KCNG3: variants seen among roughly 807,000 people sequenced by gnomAD.
The protein encoded by KCNG3 is potassium voltage-gated channel modifier subfamily G member 3.
Under a neutral mutation model 29.0 loss-of-function variants are expected in KCNG3, and 15 were observed. The ratio of observed to expected loss-of-function variants is 0.52; its 90% CI spans 0.35 to 0.80. The LOEUF is 0.80. Among genes scored for constraint, KCNG3 ranks in the 30% least tolerant of loss-of-function variants. The pLI, the probability that KCNG3 is intolerant of heterozygous loss-of-function variation, is 0.01. For synonymous variants in KCNG3, 322 were observed against 248.9 expected, an observed-to-expected ratio of 1.29 and a Z score of -2.76; for missense variants, 512 against 605.7, an observed-to-expected ratio of 0.85 and a Z score of 1.62.
the KCNG3 span, among the ~76,000 whole-genome samples, chr2:42,433,502 G>A: frequency 2.2e-3 from 332 of 152,308 alleles, 1 homozygote; most frequent in Non-Finnish European, 3.3e-3. Flanking sequence ...ATTTTGGGAG[G>A]CTGAGGGGGG....
intron 1 of KCNG3, among the ~76,000 whole-genome samples, chr2:42,484,393 C>T (rs775380519): frequency 2.6e-5 from 4 of 152,072 alleles, no homozygotes; most frequent in Non-Finnish European, 5.9e-5. Flanking sequence ...ACCAGGGAGG[C>T]GGAGATTGCA....
chr2:42,439,949 A>G (rs538858805), downstream of KCNG3, among the ~76,000 whole-genome samples: 1 of 152,260 alleles, frequency 6.6e-6, no homozygotes, highest in East Asian at 1.9e-4. Context: ...GGCCAAGAAA[A>G]TATTTTTAAA....
chr2:42,465,794 C>T (rs1416889699), intron 1 of KCNG3, among the ~76,000 whole-genome samples: 4 of 151,696 alleles, frequency 2.6e-5, no homozygotes, highest in Non-Finnish European at 5.9e-5. Flanking sequence ...CAAAAATAAC[C>T]CATTTTTTAA....
the KCNG3 span, among the ~76,000 whole-genome samples, chr2:42,398,151 A>C: frequency 2.0e-5 from 3 of 152,016 alleles, no homozygotes; most frequent in African/African-American, 7.2e-5. Flanking sequence ...TGATCCCAGG[A>C]GGCGGAGCTT....
chr2:42,483,066 A>C (rs1437822252), intron 1 of KCNG3, among the ~76,000 whole-genome samples: 2 of 152,170 alleles, frequency 1.3e-5, no homozygotes, highest in African/African-American at 4.8e-5. Flanking sequence ...GGTTGCAGTG[A>C]AAGGAGACTG....
rs571594695 is a variant in KCNG3, at chr2:42,456,208, C to T, written c.666-11629G>A. ...AGTATAAGATGAAAGGCATAGACTG[C>T]AATCATTTTTTAGCCTCTCCAAAAA... On this transcript the variant is annotated intron_variant, in intron 1 of 1. Transcript: ENST00000306078. 2.0e-5 allele frequency among the ~76,000 whole-genome samples: 3 copies of T among 152,158 alleles called. No individual in the cohort carries two copies. The East Asian group carries it at 5.8e-4, about 29-fold the overall frequency.
intron 1 of KCNG3, among the ~76,000 whole-genome samples, chr2:42,483,417 G>C (rs1673640687): frequency 6.6e-6 from 1 of 152,202 alleles, no homozygotes; most frequent in South Asian, 2.1e-4. Flanking sequence ...ATGTGGAAAT[G>C]ATCGTGTTCT....
At chr2:42,456,598 T>A (rs1256730360) in intron 1 of KCNG3, among the ~76,000 whole-genome samples, 1 of 152,150 alleles carries the variant, frequency 6.6e-6, no homozygotes, top group East Asian at 1.9e-4. Flanking sequence ...CAAAAGGAGT[T>A]CAGTTCAAGC....
the KCNG3 span, among the ~76,000 whole-genome samples, chr2:42,422,062 C>T: frequency 6.6e-6 from 1 of 152,024 alleles, no homozygotes; most frequent in Non-Finnish European, 1.5e-5. Context: ...TGTGGTAAAA[C>T]CAGAAAACAA....
At chr2:42,440,964 A>G (rs537825345), downstream of KCNG3, among the ~76,000 whole-genome samples, 2 of 152,194 alleles carry the variant, frequency 1.3e-5, no homozygotes, top group Non-Finnish European at 2.9e-5. Flanking sequence ...ATTTAGGATA[A>G]TGTCTGACTT....
intron 1 of KCNG3, among the ~76,000 whole-genome samples, chr2:42,484,410 C>T (rs183355804): frequency 2.6e-5 from 4 of 152,164 alleles, no homozygotes; most frequent in African/African-American, 9.6e-5. Context: ...TGCAGTGAGC[C>T]GAGATCGTGC....
At chr2:42,449,740 C>T (rs927522267) in intron 1 of KCNG3, among the ~76,000 whole-genome samples, 33 of 152,014 alleles carry the variant, frequency 2.2e-4, no homozygotes, top group African/African-American at 7.7e-4. Flanking sequence ...CATGAGCCAC[C>T]GCACCCAGCC....
At chr2:42,405,437 G>A in the KCNG3 span, among the ~76,000 whole-genome samples, 1 of 150,642 alleles carries the variant, frequency 6.6e-6, no homozygotes, top group South Asian at 2.1e-4. Context: ...TGTTCATTCT[G>A]CAGCATTTTT....
chr2:42,405,531 C>G, the KCNG3 span, among the ~76,000 whole-genome samples: 1 of 151,912 alleles, frequency 6.6e-6, no homozygotes, highest in Non-Finnish European at 1.5e-5. Flanking sequence ...CTCTGCCTCC[C>G]AGTTTCAATC....
At chr2:42,433,368 G>A in the KCNG3 span, among the ~76,000 whole-genome samples, 1 of 152,144 alleles carries the variant, frequency 6.6e-6, no homozygotes, top group Admixed American at 6.6e-5. Context: ...GTCTGTGAGG[G>A]TGTTTCCAGA....
At chr2:42,448,570 C>A (rs1672663229) in intron 1 of KCNG3, among the ~76,000 whole-genome samples, 1 of 152,104 alleles carries the variant, frequency 6.6e-6, no homozygotes, top group African/African-American at 2.4e-5. Context: ...CTATCTTATA[C>A]TATGCTACTC....
downstream of KCNG3, among the ~76,000 whole-genome samples, chr2:42,437,707 G>T (rs766174361): frequency 6.6e-6 from 1 of 152,142 alleles, no homozygotes; most frequent in Non-Finnish European, 1.5e-5. Context: ...GGAGGCTGAG[G>T]TGGGCAGACC....
chr2:42,406,400 G>A, the KCNG3 span, among the ~76,000 whole-genome samples: 1 of 150,862 alleles, frequency 6.6e-6, no homozygotes, highest in African/African-American at 2.4e-5. Flanking sequence ...CGTATTTTTA[G>A]TAGAGATGAG....
the KCNG3 span, among the ~76,000 whole-genome samples, chr2:42,418,484 T>C: frequency 1.3e-5 from 2 of 152,244 alleles, no homozygotes; most frequent in African/African-American, 4.8e-5. Flanking sequence ...GAGTTCAATC[T>C]GGAATGAGGA....
Sources: gnomAD v4.1 joint callset for allele counts (sites outside exome capture counted in the v4.1 genomes callset) on GRCh38, gnomAD v4.1.1 for gene constraint, MANE v1.5 for transcripts, NCBI Gene and HGNC (gene_info 2026-07-23, HGNC 2026-07-21) for gene names.